FKBP9: variants seen among roughly 807,000 people sequenced by gnomAD.
FKBP9 encodes the protein peptidyl-prolyl cis-trans isomerase FKBP9.
A neutral mutation model predicts 55.6 loss-of-function variants in FKBP9; 27 were observed. That is an observed-to-expected ratio of 0.49 (90% confidence interval 0.36 to 0.67). The LOEUF (loss-of-function observed/expected upper bound fraction) is 0.67, where lower values mean the gene tolerates loss of function less well. Among genes scored for constraint, FKBP9 ranks in the 30% least tolerant of loss-of-function variants. FKBP9 has a pLI of 0.00. For missense variants in FKBP9, 539 were observed against 742.8 expected, an observed-to-expected ratio of 0.73 and a Z score of 3.19; for synonymous variants, 267 against 296.5, an observed-to-expected ratio of 0.90 and a Z score of 1.02.
At chr7:33,001,570 T>C (rs1362720181) in intron 8 of FKBP9, among the ~76,000 whole-genome samples, 1 of 151,984 alleles carries the variant, frequency 6.6e-6, no homozygotes, top group Non-Finnish European at 1.5e-5. Flanking sequence ...TTTAAGACTT[T>C]TTCTGTGATA....
intron 1 of FKBP9, among the ~76,000 whole-genome samples, chr7:32,969,857 G>A (rs187152819): frequency 1.3e-5 from 2 of 151,968 alleles, no homozygotes; most frequent in African/African-American, 4.8e-5. Flanking sequence ...ACAAAAATTA[G>A]CCAGGCATGG....
At chr7:32,996,898 C>G (rs1784810108) in intron 7 of FKBP9, among the ~76,000 whole-genome samples, 1 of 149,888 alleles carries the variant, frequency 6.7e-6, no homozygotes, top group South Asian at 2.1e-4. Context: ...GGGTTCACGC[C>G]ATTCTCCTGC....
chr7:32,975,342 G>A lies in FKBP9; in HGVS notation c.528G>A (p.Thr176=), dbSNP rs140717010. 4.2e-5 allele frequency: 67 copies of A among 1,613,844 alleles called. No homozygotes were observed. The highest frequency in any genetic ancestry group is 5.4e-5 in the Non-Finnish European group (64 of 1,179,864). The change falls in exon 3 of 10, where the codon ACG becomes ACA. Residue 176 remains threonine (T), a synonymous_variant. Transcript: ENST00000242209. The part of the protein sequence containing the change: ...SDFVRYHYNG[T]FLDGTLFDSS... The stretch of plus-strand genomic sequence containing the variant: ...TTGTGAGGTACCACTACAACGGGAC[G>A]TTCCTGGACGGAACTCTGTTTGATT...
intron 8 of FKBP9, among the ~76,000 whole-genome samples, chr7:33,002,227 T>C (rs538493249): frequency 1.6e-4 from 25 of 151,984 alleles, no homozygotes; most frequent in Non-Finnish European, 3.2e-4. Flanking sequence ...TTTGCCTCCC[T>C]GGTTCAAGCA....
At chr7:33,004,368 C>G (rs1339381161) in intron 9 of FKBP9, among the ~76,000 whole-genome samples, 1 of 152,140 alleles carries the variant, frequency 6.6e-6, no homozygotes, top group Non-Finnish European at 1.5e-5. Context: ...TCGCTGTAAC[C>G]TCTTTGCCGG....
chr7:32,965,331 A>T (rs1219803372), intron 1 of FKBP9, among the ~76,000 whole-genome samples: 1 of 151,886 alleles, frequency 6.6e-6, no homozygotes, highest in Non-Finnish European at 1.5e-5. Flanking sequence ...AGGTTTTGCC[A>T]TGTTGCCCAG....
At chr7:32,962,218 C>T (rs1235058243) in intron 1 of FKBP9, among the ~76,000 whole-genome samples, 3 of 151,998 alleles carry the variant, frequency 2.0e-5, no homozygotes. Flanking sequence ...CATGGAGAAA[C>T]CCCGTCTCTA....
At chr7:32,998,633 G>A (rs1171584329) in intron 7 of FKBP9, 2 of 152,262 alleles carry the variant, frequency 1.3e-5, no homozygotes, top group Non-Finnish European at 2.9e-5. Context: ...TGGAAAGCTT[G>A]GCCAGCACCT....
intron 1 of FKBP9, among the ~76,000 whole-genome samples, chr7:32,958,752 C>G (rs1346484070): frequency 3.3e-5 from 5 of 152,222 alleles, no homozygotes; most frequent in Non-Finnish European, 7.3e-5. Context: ...AAGCCCAGAA[C>G]TCCTTCTCTC....
At chr7:32,987,059 C>T (rs1219149791) in intron 5 of FKBP9, among the ~76,000 whole-genome samples, 7 of 152,170 alleles carry the variant, frequency 4.6e-5, no homozygotes, top group Non-Finnish European at 8.8e-5. Context: ...ACTTGGGGCT[C>T]CTGCCAGGAG....
At position 32,971,445 on chromosome 7, in the gene FKBP9, C is replaced by T. The variant is rs559046909; in HGVS notation, c.222-3172C>T. ...ACTGTGAGGCAACAACTCTTTCTTT[C>T]TTCCTTTCTTCCTTTCTTTCTTCCT... is the stretch of plus-strand genomic sequence containing the variant. On this transcript the variant is annotated intron_variant, in intron 1 of 9. Coordinates refer to ENST00000242209, the MANE Select transcript of FKBP9 (RefSeq NM_007270.5). Among the ~76,000 whole-genome samples the T allele has an allele frequency of 1.1e-4, 16 of 152,066 alleles. 1 individual carries two copies. Among genetic ancestry groups the T allele is most frequent in the Admixed American group, 4.6e-4 (7 of 15,238 alleles).
rs1784365680 is a variant in FKBP9, at chr7:32,976,455, T to A, written c.659T>A (p.Ile220Asn). The A allele has an allele frequency of 1.2e-6, 2 of 1,613,526 alleles. No homozygotes were observed. Among genetic ancestry groups the A allele is most frequent in the African/African-American group, 1.3e-5 (1 of 74,982 alleles). ...LLGMCVGEKR[I>N]ITIPPFLAYG... is the part of the protein sequence containing the mutation. ...GGGATGTGTGTGGGTGAGAAGCGCA[T>A]CATCACCATTCCTCCTTTTCTGGCC... The change falls in exon 4 of 10, where the codon ATC becomes AAC. Residue 220 changes from isoleucine (I) to asparagine (N), a missense_variant. Physicochemically the swap from Ile to Asn is moderately radical, Grantham distance 149. Around this residue, in one of 4 missense-constraint regions of FKBP9, gnomAD observed 29 missense variants for 65.3 expected, o/e 0.44. Transcript: ENST00000242209.
rs749530079 is a variant in FKBP9 at position 32,976,485 on chromosome 7, G to C, written c.689G>C (p.Gly230Ala). Residue 230 changes from glycine (G) to alanine (A), a missense_variant, in exon 4 of 10, where the codon GGA (glycine) becomes GCA (alanine). By Grantham distance (60) the Gly-to-Ala change is moderately conservative. This residue lies in a region of FKBP9 where 29 missense variants were observed against 65.3 expected (regional missense o/e 0.44). Coordinates refer to ENST00000242209, the MANE Select transcript of FKBP9 (RefSeq NM_007270.5). ...IITIPPFLAY[G>A]EDGDGKDIPG... is the part of the protein sequence containing the mutation. ...ACCATTCCTCCTTTTCTGGCCTATG[G>C]AGAGGATGGAGATGGTAAGTCCGTC... 1.9e-6 allele frequency: 3 copies of C among 1,600,406 alleles called. No individual in the cohort carries two copies. The South Asian group carries it at 3.4e-5, about 18-fold the overall frequency.
Position 32,988,083 on chromosome 7 carries a change from G to A in FKBP9, c.894-424G>A, listed in dbSNP as rs554213893. ...TAGTCTCAGCTACTTGGGAGGCTGAGGTGGGAGGATTGCTTGAGCCTGGGA... is the reference window on the plus strand; with the variant it reads ...TAGTCTCAGCTACTTGGGAGGCTGAAGTGGGAGGATTGCTTGAGCCTGGGA... On this transcript the variant is annotated intron_variant, in intron 5 of 9. Transcript: ENST00000242209. 2.0e-3 allele frequency among the ~76,000 whole-genome samples: 310 copies of A among 152,300 alleles called. 3 individuals carry two copies. Among genetic ancestry groups the A allele is most frequent in the Non-Finnish European group, 4.0e-3 (273 of 68,032 alleles).
At chr7:32,970,107 G>A (rs529666197) in intron 1 of FKBP9, among the ~76,000 whole-genome samples, 2 of 151,878 alleles carry the variant, frequency 1.3e-5, no homozygotes, top group African/African-American at 4.8e-5. Context: ...TCAATAGATT[G>A]CTTTGGTTAG....
chr7:33,002,591 G>A (rs1784953672), intron 8 of FKBP9, 85 bp from the exon 9 acceptor site: 2 of 1,560,852 alleles, frequency 1.3e-6, no homozygotes, highest in African/African-American at 2.7e-5. Context: ...GAGTGAGGCT[G>A]CTGGAGGTTG....
chr7:32,980,510 C>T lies in FKBP9; in HGVS notation c.850C>T (p.His284Tyr), dbSNP rs781222195. The change falls in exon 5 of 10, where the codon CAT becomes TAT. Residue 284 changes from histidine (H) to tyrosine (Y), a missense_variant. This residue lies in a region of FKBP9 where 172 missense variants were observed against 205.3 expected (regional missense o/e 0.84). Transcript: ENST00000242209. ...ISQSGDFLRY[H>Y]YNGTLLDGTL... ...TCAAAGTGGGGACTTTCTCAGGTAT[C>T]ATTACAATGGCACGCTTCTGGATGG... 2.5e-6 allele frequency: 4 copies of T among 1,613,862 alleles called. No homozygotes were observed. The South Asian group carries it at 4.4e-5, about 18-fold the overall frequency.
At chr7:32,964,590 C>G (rs112372393) in intron 1 of FKBP9, among the ~76,000 whole-genome samples, 2 of 152,310 alleles carry the variant, frequency 1.3e-5, no homozygotes, top group African/African-American at 4.8e-5. Flanking sequence ...CCCGCTTGCT[C>G]CCTCTCTCCT....
At position 33,006,548 on chromosome 7, in the gene FKBP9, G is replaced by A. The variant is rs1304234550; in HGVS notation, c.*1197G>A. On this transcript the variant is annotated 3_prime_UTR_variant, in exon 10 of 10. Transcript: ENST00000242209. ...ACTCAACAGAGTATTTCCCTTGGCCGAGATGGAAGTTTTGTCCCAATAGAT... is the reference window on the plus strand; with the variant it reads ...ACTCAACAGAGTATTTCCCTTGGCCAAGATGGAAGTTTTGTCCCAATAGAT... 4 of 203,880 alleles carry A rather than the reference G, an allele frequency of 2.0e-5. No individual in the cohort carries two copies. The highest frequency in any genetic ancestry group is 1.9e-4 in the South Asian group (1 of 5,292). The allele number at this position is 203,880 out of a possible 1,614,324, so 12.6% of individuals were successfully genotyped here. A position where few individuals can be genotyped will look rare whatever the true frequency, so the allele number is the denominator to read the frequency against.
Sources: gnomAD v4.1 joint callset for allele counts (sites outside exome capture counted in the v4.1 genomes callset) on GRCh38, gnomAD v4.1.1 for gene constraint, gnomAD v4.1.1 regional missense constraint, MANE v1.5 for transcripts, NCBI Gene and HGNC (gene_info 2026-07-23, HGNC 2026-07-21) for gene names.